The following NHSL2 variants were observed in gnomAD, a reference collection of about 807,000 sequenced individuals.
NHSL2 encodes NHS-like protein 2.
Under a neutral mutation model 53.4 loss-of-function variants are expected in NHSL2, and 27 were observed. That is an observed-to-expected ratio of 0.51 (90% CI 0.37 to 0.70). The LOEUF is 0.70. Among genes scored for constraint, NHSL2 ranks in the 30% least tolerant of loss-of-function variants. The pLI, the probability that NHSL2 is intolerant of heterozygous loss-of-function variation, is 0.00. For synonymous variants in NHSL2, 408 were observed against 404.1 expected (o/e 1.01, Z -0.12); for missense variants, 892 against 980.1 (o/e 0.91, Z 1.20).
rs1261828027 is a variant in NHSL2, at chrX:72,152,922, C to G, written c.*9348C>G. On this transcript the variant is annotated 3_prime_UTR_variant, in exon 8 of 8. Coordinates refer to ENST00000633930, the MANE Select transcript of NHSL2 (RefSeq NM_001013627.3). ...AGAGGTGGACTTTTGTTAAGTTAGC[C>G]CTTACCATTTAGTGCTTACTGAATG... is the stretch of plus-strand genomic sequence containing the variant. 6.2e-5 allele frequency: 7 copies of G among 112,059 alleles called. No individual in the cohort carries two copies. Among genetic ancestry groups the G allele is most frequent in the African/African-American group, 2.3e-4 (7 of 30,828 alleles). 9.2% of individuals were successfully genotyped at this position (112,059 alleles called of 1,213,427 possible).
chrX:71,925,420 C>CTT (rs775266941), intron 1 of NHSL2, among the ~76,000 whole-genome samples: 4 of 99,619 alleles, frequency 4.0e-5, no homozygotes, highest in Non-Finnish European at 4.1e-5. Flanking sequence ...TGTTTTTGCA[C>CTT]TTTTTTTTTT....
rs374696710 is a variant in NHSL2, at chrX:72,147,703, C to G, written c.*4129C>G. Reference sequence around the variant, plus strand: ...CACCAGGATCCTCCCTCTCCTCTTTCTGCTCCATTCTCCTAAACCTTGCTT... The same window carrying G: ...CACCAGGATCCTCCCTCTCCTCTTTGTGCTCCATTCTCCTAAACCTTGCTT... On this transcript the variant is annotated 3_prime_UTR_variant, in exon 8 of 8. Transcript: ENST00000633930. 4.5e-5 allele frequency: 5 copies of G among 111,984 alleles called. No homozygotes were observed. The East Asian group carries it at 1.4e-3, about 32-fold the overall frequency. 9.2% of individuals were successfully genotyped at this position (111,984 alleles called of 1,213,427 possible).
At chrX:72,086,193 C>T (rs932023656) in intron 1 of NHSL2, among the ~76,000 whole-genome samples, 5 of 112,094 alleles carry the variant, frequency 4.5e-5, no homozygotes, top group Non-Finnish European at 9.4e-5. Context: ...TGTTCTGTAG[C>T]CCTCACATGA....
intron 1 of NHSL2, among the ~76,000 whole-genome samples, chrX:72,081,217 G>A (rs949309260): frequency 8.9e-6 from 1 of 112,219 alleles, no homozygotes; most frequent in Admixed American, 9.4e-5. Flanking sequence ...GTGATCTTTG[G>A]TCTTCAGGTC....
At chrX:72,027,328 C>T (rs1321559314) in intron 1 of NHSL2, among the ~76,000 whole-genome samples, 1 of 111,193 alleles carries the variant, frequency 9.0e-6, no homozygotes, top group African/African-American at 3.3e-5. Flanking sequence ...TGTTGCCTTC[C>T]CCCCATCTTT....
At chrX:71,964,989 A>G (rs943520452) in intron 1 of NHSL2, among the ~76,000 whole-genome samples, 4 of 111,624 alleles carry the variant, frequency 3.6e-5, no homozygotes, top group African/African-American at 1.3e-4. Flanking sequence ...AGTGGAGGAG[A>G]TTGGTTGCAT....
rs777302188 is a variant in NHSL2 at position 71,986,968 on chromosome X, G to GA, written c.280+75610dup. Among the ~76,000 whole-genome samples, 16 of 110,659 alleles carry GA rather than the reference G, an allele frequency of 1.4e-4. No homozygotes were observed. The East Asian group carries it at 2.3e-3, about 16-fold the overall frequency. On this transcript the variant is annotated intron_variant, in intron 1 of 7. Coordinates refer to ENST00000633930, the MANE Select transcript of NHSL2 (RefSeq NM_001013627.3). ...TCCGTTAACCCTTTAATCTAGGCAA[G>GA]AAAAAAAAATCCACATTCCCATGCC...
intron 1 of NHSL2, among the ~76,000 whole-genome samples, chrX:71,916,530 T>C (rs1348808167): frequency 9.0e-6 from 1 of 111,525 alleles, no homozygotes; most frequent in Non-Finnish European, 1.9e-5. Context: ...TAAGACCCAA[T>C]GTCTCCATTC....
intron 1 of NHSL2, among the ~76,000 whole-genome samples, chrX:71,957,131 G>A (rs1009740609): frequency 7.1e-5 from 8 of 112,154 alleles, no homozygotes; most frequent in Non-Finnish European, 1.5e-4. Flanking sequence ...ACCCCATGGC[G>A]GGAACACAAG....
At chrX:72,057,570 A>G (rs2042376414) in intron 1 of NHSL2, among the ~76,000 whole-genome samples, 1 of 111,615 alleles carries the variant, frequency 9.0e-6, no homozygotes. Context: ...CCAACTGTCC[A>G]TGACCACAAA....
intron 1 of NHSL2, among the ~76,000 whole-genome samples, chrX:72,090,558 T>G (rs1349407062): frequency 8.9e-6 from 1 of 111,816 alleles, no homozygotes; most frequent in East Asian, 2.8e-4. Flanking sequence ...GCAATTAATT[T>G]TGCTTTTGCT....
chrX:71,915,614 C>G (rs1602256778), intron 1 of NHSL2, among the ~76,000 whole-genome samples: 1 of 112,287 alleles, frequency 8.9e-6, no homozygotes, highest in East Asian at 2.8e-4. Flanking sequence ...GATTCTTTCT[C>G]CCTTCCTCTC....
At chrX:72,048,706 T>A (rs913470031) in intron 1 of NHSL2, among the ~76,000 whole-genome samples, 1 of 110,095 alleles carries the variant, frequency 9.1e-6, no homozygotes, top group Non-Finnish European at 1.9e-5. Flanking sequence ...GGGCAGCAGC[T>A]TGTTTCTGGC....
chrX:72,136,137 G>T (rs748951865), intron 4 of NHSL2, among the ~76,000 whole-genome samples: 13 of 111,291 alleles, frequency 1.2e-4, no homozygotes, highest in Non-Finnish European at 2.3e-4. Flanking sequence ...CAGCTGTGTG[G>T]CTGGCTGAAT....
At chrX:72,130,347 TTCCTCC>T (rs753322291) in intron 1 of NHSL2, 5 of 1,157,584 alleles carry the variant, frequency 4.3e-6, no homozygotes, top group African/African-American at 1.8e-5. Flanking sequence ...TCATTTCCTC[TTCCTCC>T]TCCTCCTCCT....
At chrX:72,009,213 G>A (rs756464491) in intron 1 of NHSL2, among the ~76,000 whole-genome samples, 2 of 112,997 alleles carry the variant, frequency 1.8e-5, no homozygotes, top group Non-Finnish European at 3.7e-5. Flanking sequence ...GTTGCTGTGT[G>A]GAGAGAACCA....
At chrX:72,008,317 T>A (rs2042102667) in intron 1 of NHSL2, among the ~76,000 whole-genome samples, 1 of 112,117 alleles carries the variant, frequency 8.9e-6, no homozygotes, top group South Asian at 3.7e-4. Flanking sequence ...GGACAGGAGG[T>A]ATGGACAGGA....
chrX:72,105,866 T>G (rs1278766790), intron 1 of NHSL2, among the ~76,000 whole-genome samples: 1 of 112,528 alleles, frequency 8.9e-6, no homozygotes, highest in Non-Finnish European at 1.9e-5. Flanking sequence ...CTGAACTGAC[T>G]ACGTGTAATT....
chrX:72,085,810 C>G (rs2041837040), intron 1 of NHSL2, among the ~76,000 whole-genome samples: 1 of 107,164 alleles, frequency 9.3e-6, no homozygotes, highest in African/African-American at 3.4e-5. Flanking sequence ...GGCAGTGCAG[C>G]TGCTCCCTAC....
Sources: gnomAD v4.1 joint callset for allele counts (sites outside exome capture counted in the v4.1 genomes callset) on GRCh38, gnomAD v4.1.1 for gene constraint, MANE v1.5 for transcripts, NCBI Gene and HGNC (gene_info 2026-07-23, HGNC 2026-07-21) for gene names.